KIAA1958: variants seen among roughly 807,000 people sequenced by gnomAD.
The protein encoded by KIAA1958 is KIAA1958.
KIAA1958 carries 14 observed loss-of-function variants against 47.2 expected under a neutral mutation model. The ratio of observed to expected loss-of-function variants is 0.30; its 90% CI spans 0.20 to 0.46. The LOEUF is 0.46. Among genes scored for constraint, KIAA1958 ranks in the 20% least tolerant of loss-of-function variants. The probability of loss-of-function intolerance (pLI) is 1.00; values close to 1 mark genes in which losing one functional copy is unlikely to be tolerated. For missense variants in KIAA1958, 803 were observed against 909.2 expected (o/e 0.88, Z 1.50); for synonymous variants, 354 against 353.3 (o/e 1.00, Z -0.02).
At chr9:112,634,982 AG>A (rs1318037853) in intron 2 of KIAA1958, among the ~76,000 whole-genome samples, 3 of 151,936 alleles carry the variant, frequency 2.0e-5, no homozygotes, top group Non-Finnish European at 4.4e-5. Flanking sequence ...GATGTGAGGT[AG>A]GAATTCCGTT....
chr9:112,527,604 G>A (rs1044932300), intron 1 of KIAA1958, among the ~76,000 whole-genome samples: 1 of 152,096 alleles, frequency 6.6e-6, no homozygotes, highest in Non-Finnish European at 1.5e-5. Context: ...GTGCTGGGGG[G>A]AATTGTTTGA....
chr9:112,585,979 T>G (rs1835816752), intron 2 of KIAA1958, among the ~76,000 whole-genome samples: 1 of 152,234 alleles, frequency 6.6e-6, no homozygotes, highest in Admixed American at 6.5e-5. Context: ...TTAGGTACTT[T>G]GGATACAGCA....
intron 2 of KIAA1958, among the ~76,000 whole-genome samples, chr9:112,617,642 G>T (rs1564191644): frequency 6.6e-6 from 1 of 152,148 alleles, no homozygotes; most frequent in Non-Finnish European, 1.5e-5. Flanking sequence ...GACATAGGAA[G>T]CTCGTTTTGC....
intron 2 of KIAA1958, among the ~76,000 whole-genome samples, chr9:112,578,875 A>G (rs1211361738): frequency 6.6e-6 from 1 of 152,094 alleles, no homozygotes; most frequent in Non-Finnish European, 1.5e-5. Context: ...TTAGGGTTTT[A>G]TGTGTATATT....
At chr9:112,579,940 G>A (rs141611914) in intron 2 of KIAA1958, among the ~76,000 whole-genome samples, 60 of 152,338 alleles carry the variant, frequency 3.9e-4, no homozygotes, top group African/African-American at 1.4e-3. Flanking sequence ...ACAGCATCAA[G>A]TTTCCCTCTT....
At position 112,663,051 on chromosome 9, in the gene KIAA1958, A is replaced by G. The variant is rs999625944; in HGVS notation, c.*2982A>G. 3.3e-5 allele frequency: 5 copies of G among 152,160 alleles called. No individual in the cohort carries two copies. The highest frequency in any genetic ancestry group is 9.7e-5 in the African/African-American group (4 of 41,444). The allele number at this position is 152,160 out of a possible 1,614,324, so 9.4% of individuals were successfully genotyped here. On this transcript the variant is annotated 3_prime_UTR_variant, in exon 4 of 4. Coordinates refer to ENST00000337530, the MANE Select transcript of KIAA1958 (RefSeq NM_133465.4). ...TTCTCCACTTACCTTTGGGTTTTTTATGCTCCCAAGTAGAAATAAATATCA... is the reference window on the plus strand; with the variant it reads ...TTCTCCACTTACCTTTGGGTTTTTTGTGCTCCCAAGTAGAAATAAATATCA...
intron 2 of KIAA1958, among the ~76,000 whole-genome samples, chr9:112,609,800 G>A (rs911638523): frequency 6.6e-6 from 1 of 151,844 alleles, no homozygotes; most frequent in Non-Finnish European, 1.5e-5. Context: ...CATCCTCCCC[G>A]CTCAGCCTCC....
intron 1 of KIAA1958, among the ~76,000 whole-genome samples, chr9:112,504,435 G>A (rs905881097): frequency 2.0e-5 from 3 of 152,060 alleles, no homozygotes; most frequent in Non-Finnish European, 4.4e-5. Flanking sequence ...GTGATCCACC[G>A]GCCTCGGCCT....
Position 112,618,411 on chromosome 9 carries a change from G to C in KIAA1958, c.1172-27239G>C. 1.3e-6 allele frequency: 2 copies of C among 1,551,242 alleles called. No individual in the cohort carries two copies. The highest frequency in any genetic ancestry group is 1.7e-6 in the Non-Finnish European group (2 of 1,147,136). On this transcript the variant is annotated intron_variant, in intron 2 of 3. Coordinates refer to ENST00000337530, the MANE Select transcript of KIAA1958 (RefSeq NM_133465.4). The surrounding 1 kb of genome is among the most constrained non-coding windows in gnomAD (Gnocchi z 7.1). ...TCTACCTTAAAATGGGGTGATATCC[G>C]GCTCCGGGTAACAGAGACGGGTCTC...
At chr9:112,489,835 T>C (rs1724710397) in intron 1 of KIAA1958, among the ~76,000 whole-genome samples, 1 of 152,232 alleles carries the variant, frequency 6.6e-6, no homozygotes, top group South Asian at 2.1e-4. Flanking sequence ...TTCCTGTTTA[T>C]TGGTTATCAA....
At chr9:112,640,173 T>C (rs1836869173) in intron 2 of KIAA1958, among the ~76,000 whole-genome samples, 1 of 152,194 alleles carries the variant, frequency 6.6e-6, no homozygotes, top group African/African-American at 2.4e-5. Context: ...CAAGAAAAGA[T>C]TTAAAGTTCT....
intron 3 of KIAA1958, among the ~76,000 whole-genome samples, chr9:112,654,466 G>A (rs1837114838): frequency 6.6e-6 from 1 of 151,972 alleles, no homozygotes; most frequent in Admixed American, 6.6e-5. Flanking sequence ...GTAAATTTGG[G>A]GGAGTGCTAG....
rs756508667 is a variant in KIAA1958 at position 112,574,873 on chromosome 9, G to C, written c.793G>C (p.Asp265His). 6.2e-7 allele frequency: 1 copy of C among 1,614,116 alleles called. No individual in the cohort carries two copies. Among genetic ancestry groups the C allele is most frequent in the Non-Finnish European group, 8.5e-7 (1 of 1,180,008 alleles). The stretch of plus-strand genomic sequence containing the variant: ...CACATCTGCCATCAGCACGGAGCTA[G>C]ACCCACACGGTATGTCTGCATCCCC... The part of the protein sequence containing the change: ...HVTSAISTEL[D>H]PHGMSASPSV... The change falls in exon 2 of 4, where the codon GAC (aspartate) becomes CAC (histidine). Residue 265 changes from aspartate (D) to histidine (H), a missense_variant. Around this residue, in one of 2 missense-constraint regions of KIAA1958, gnomAD observed 761 missense variants for 829.3 expected, o/e 0.92. Transcript: ENST00000337530.
chr9:112,656,886 T>G (rs571813710), intron 3 of KIAA1958, among the ~76,000 whole-genome samples: 8 of 152,292 alleles, frequency 5.3e-5, no homozygotes, highest in African/African-American at 1.9e-4. Context: ...TCTTTCATAT[T>G]CTTTACTCTC....
At chr9:112,544,744 G>T (rs772386518) in intron 1 of KIAA1958, among the ~76,000 whole-genome samples, 1 of 152,092 alleles carries the variant, frequency 6.6e-6, no homozygotes, top group African/African-American at 2.4e-5. Flanking sequence ...TCAGTATACC[G>T]GAGACTGCTA....
intron 1 of KIAA1958, among the ~76,000 whole-genome samples, chr9:112,550,893 A>G (rs1835130588): frequency 6.6e-6 from 1 of 152,218 alleles, no homozygotes; most frequent in East Asian, 1.9e-4. Flanking sequence ...CAAGGCTACC[A>G]GCAAAATACT....
chr9:112,500,836 C>T lies in KIAA1958; in HGVS notation c.-25+13718C>T, dbSNP rs185604116. ...GTGAAAGTTTAAACTTGGTTGGGTT[C>T]GGTGGTTCATACCTGTAATCCCAGT... is the stretch of plus-strand genomic sequence containing the variant. On this transcript the variant is annotated intron_variant, in intron 1 of 3. Coordinates refer to ENST00000337530, the MANE Select transcript of KIAA1958 (RefSeq NM_133465.4). Among the ~76,000 whole-genome samples, 762 of 151,728 alleles carry T rather than the reference C, an allele frequency of 5.0e-3. 11 individuals carry two copies. The highest frequency in any genetic ancestry group is 0.017 in the African/African-American group (721 of 41,322).
chr9:112,614,207 C>T (rs1483948828), intron 2 of KIAA1958, among the ~76,000 whole-genome samples: 1 of 151,716 alleles, frequency 6.6e-6, no homozygotes, highest in African/African-American at 2.4e-5. Context: ...CAATAATAGG[C>T]CAAACAAAAC....
At chr9:112,495,949 A>G (rs745774483) in intron 1 of KIAA1958, among the ~76,000 whole-genome samples, 2 of 152,192 alleles carry the variant, frequency 1.3e-5, no homozygotes, top group Non-Finnish European at 2.9e-5. Flanking sequence ...TTGGAAGAGA[A>G]TCGTGGTGCC....
Sources: allele counts gnomAD v4.1 joint callset (sites outside exome capture counted in the v4.1 genomes callset), GRCh38; gene constraint gnomAD v4.1.1; regional missense constraint gnomAD v4.1.1; non-coding constraint Gnocchi (gnomAD v3.1); transcripts MANE v1.5; gene names NCBI Gene and HGNC (gene_info 2026-07-23, HGNC 2026-07-21).